The following TRAPPC9 variants were observed in gnomAD, a reference collection of about 807,000 sequenced individuals.
The protein encoded by TRAPPC9 is trafficking protein particle complex subunit 9.
A neutral mutation model predicts 124.0 loss-of-function variants in TRAPPC9; 83 were observed. That is an observed-to-expected ratio of 0.67 (90% CI 0.56 to 0.80). The LOEUF (loss-of-function observed/expected upper bound fraction) is 0.80, where lower values mean the gene tolerates loss of function less well. Among genes scored for constraint, TRAPPC9 ranks in the 30% least tolerant of loss-of-function variants. The pLI is 0.00. For missense variants in TRAPPC9, 1,302 were observed against 1,508.3 expected (o/e 0.86, Z 2.27); for synonymous variants, 638 against 617.5 (o/e 1.03, Z -0.49).
At chr8:139,925,226 C>T (rs183708528) in intron 19 of TRAPPC9, among the ~76,000 whole-genome samples, 35 of 152,324 alleles carry the variant, frequency 2.3e-4, no homozygotes, top group Non-Finnish European at 4.6e-4. Context: ...GAAAAAAATG[C>T]CCTGTTACAG....
intron 17 of TRAPPC9, among the ~76,000 whole-genome samples, chr8:140,126,836 C>T (rs1376732835): frequency 5.9e-5 from 9 of 152,302 alleles, no homozygotes; most frequent in African/African-American, 2.2e-4. Flanking sequence ...AGTGGACTCA[C>T]GGGCGCTGTG....
chr8:140,341,329 C>T (rs1231255669), intron 9 of TRAPPC9, among the ~76,000 whole-genome samples: 2 of 152,264 alleles, frequency 1.3e-5, no homozygotes, highest in Middle Eastern at 6.8e-3. Flanking sequence ...AGAGGTCACA[C>T]ACAGACCTTG....
chr8:140,236,096 T>G (rs576967804), intron 16 of TRAPPC9, among the ~76,000 whole-genome samples: 1 of 143,900 alleles, frequency 6.9e-6, no homozygotes, highest in African/African-American at 2.6e-5. Flanking sequence ...TTTTTTTTTT[T>G]TTTTGAGACA....
At chr8:140,054,033 T>TA (rs1470412575) in intron 17 of TRAPPC9, among the ~76,000 whole-genome samples, 7 of 152,218 alleles carry the variant, frequency 4.6e-5, no homozygotes, top group African/African-American at 1.7e-4. Flanking sequence ...AACATGGATG[T>TA]AGCTGGAGGC....
chr8:140,403,337 G>A (rs1329227554), intron 6 of TRAPPC9, among the ~76,000 whole-genome samples: 1 of 152,012 alleles, frequency 6.6e-6, no homozygotes, highest in Non-Finnish European at 1.5e-5. Flanking sequence ...GCTAAGACAG[G>A]AGAATCACTT....
intron 15 of TRAPPC9, among the ~76,000 whole-genome samples, chr8:140,254,011 C>T (rs1415746942): frequency 6.6e-6 from 1 of 152,136 alleles, no homozygotes; most frequent in African/African-American, 2.4e-5. Flanking sequence ...TCAGGCAACA[C>T]GGGAGGAAGG....
In TRAPPC9 at chr8:140,045,631, G is replaced by GAAAAA. The variant is rs57243402; in HGVS notation, c.2557-21557_2557-21553dup. Among the ~76,000 whole-genome samples, 146 of 33,240 alleles carry GAAAAA rather than the reference G, an allele frequency of 4.4e-3. 5 individuals carry two copies. The highest frequency in any genetic ancestry group is 0.012 in the African/African-American group (138 of 11,460). The allele number at this position is 33,240 out of a possible 152,430, so 21.8% of individuals were successfully genotyped here. On this transcript the variant is annotated intron_variant, in intron 17 of 22. Coordinates refer to ENST00000438773, the MANE Select transcript of TRAPPC9 (RefSeq NM_001160372.4). ...GACAGAGCAAGACTCCATCTCGGCA[G>GAAAAA]AAAAAAAAAAAAAAAAAAAAAAAAA...
In TRAPPC9 at chr8:140,252,620, C is replaced by T. The variant is rs555673433; in HGVS notation, c.2431+157G>A. ...TTACTTTCAGACACATACAGTAACA[C>T]ACTCTGTTAACAAAGTGCCCAGGAG... On this transcript the variant is annotated intron_variant, in intron 16 of 22. Coordinates refer to ENST00000438773, the MANE Select transcript of TRAPPC9 (RefSeq NM_001160372.4). This position sits in a 1 kb window ranked among gnomAD's most constrained non-coding sequence, Gnocchi z 4.2. 1.3e-5 allele frequency: 10 copies of T among 747,994 alleles called. No individual in the cohort carries two copies. The South Asian group carries it at 1.4e-4, about 10-fold the overall frequency. The allele number at this position is 747,994 out of a possible 1,614,324, so 46.3% of individuals were successfully genotyped here. A position where few individuals can be genotyped will look rare whatever the true frequency, so the allele number is the denominator to read the frequency against.
At position 140,092,191 on chromosome 8, in the gene TRAPPC9, CTTTAA is replaced by C. The variant is rs1046937473; in HGVS notation, c.2557-68117_2557-68113del. On this transcript the variant is annotated intron_variant, in intron 17 of 22. Transcript: ENST00000438773. ...ATCTATTCTTCAACATTTTTTTTTACTTTAATTTTTCTTTTTTTTTTTTTTTGAGA... is the reference window on the plus strand; with the variant it reads ...ATCTATTCTTCAACATTTTTTTTTACTTTTTCTTTTTTTTTTTTTTTGAGA... Among the ~76,000 whole-genome samples, 24 of 145,482 alleles carry C rather than the reference CTTTAA, an allele frequency of 1.6e-4. No individual in the cohort carries two copies. The East Asian group carries it at 3.4e-3, about 21-fold the overall frequency.
At chr8:140,370,513 T>G (rs1407811731) in intron 8 of TRAPPC9, among the ~76,000 whole-genome samples, 1 of 152,226 alleles carries the variant, frequency 6.6e-6, no homozygotes, top group Non-Finnish European at 1.5e-5. Flanking sequence ...TATTTGTTAT[T>G]AGATTGATAG....
intron 21 of TRAPPC9, among the ~76,000 whole-genome samples, chr8:139,884,979 A>G (rs1223865865): frequency 6.6e-6 from 1 of 152,174 alleles, no homozygotes; most frequent in Non-Finnish European, 1.5e-5. Flanking sequence ...TCCTCACACC[A>G]CTGGAATCAT....
At chr8:140,449,550 G>A (rs1171201374) in intron 2 of TRAPPC9, among the ~76,000 whole-genome samples, 3 of 152,260 alleles carry the variant, frequency 2.0e-5, no homozygotes, top group Non-Finnish European at 4.4e-5. Context: ...TAACAGGCAA[G>A]ATGGGAAGCT....
intron 21 of TRAPPC9, among the ~76,000 whole-genome samples, chr8:139,740,718 GGGC>G (rs574548948): frequency 2.8e-4 from 43 of 152,356 alleles, no homozygotes; most frequent in African/African-American, 1.0e-3. Context: ...AGGCCCACAC[GGGC>G]GGTGAGCTCA....
intron 5 of TRAPPC9, among the ~76,000 whole-genome samples, chr8:140,406,454 T>C (rs909504588): frequency 1.3e-5 from 2 of 152,200 alleles, no homozygotes; most frequent in Non-Finnish European, 2.9e-5. Context: ...GTTGGGAGGC[T>C]CAGGGATGAG....
At chr8:139,736,577 G>A (rs529666644) in intron 21 of TRAPPC9, among the ~76,000 whole-genome samples, 1 of 152,294 alleles carries the variant, frequency 6.6e-6, no homozygotes, top group South Asian at 2.1e-4. Flanking sequence ...GTTTTTGTCC[G>A]AGAGCATTAA....
intron 17 of TRAPPC9, among the ~76,000 whole-genome samples, chr8:140,114,882 G>C (rs1033736996): frequency 3.9e-5 from 6 of 152,294 alleles, no homozygotes; most frequent in South Asian, 4.1e-4. Context: ...TGAAAAAGAT[G>C]CAATATCCAC....
intron 17 of TRAPPC9, among the ~76,000 whole-genome samples, chr8:140,185,151 C>T (rs567310579): frequency 3.3e-5 from 5 of 152,274 alleles, no homozygotes; most frequent in South Asian, 2.1e-4. Flanking sequence ...CCACCATGTA[C>T]GCTGAGTACG....
chr8:140,103,484 AC>A (rs1226890615), intron 17 of TRAPPC9, among the ~76,000 whole-genome samples: 1 of 152,024 alleles, frequency 6.6e-6, no homozygotes, highest in African/African-American at 2.4e-5. Flanking sequence ...GCAGGAAGGG[AC>A]CCTACTGGCC....
chr8:140,115,533 C>G (rs1264717085), intron 17 of TRAPPC9, among the ~76,000 whole-genome samples: 2 of 152,194 alleles, frequency 1.3e-5, no homozygotes, highest in Non-Finnish European at 2.9e-5. Context: ...TCCCAAAGTG[C>G]TGGGATTACA....
Sources: gnomAD v4.1 joint callset for allele counts (sites outside exome capture counted in the v4.1 genomes callset) on GRCh38, gnomAD v4.1.1 for gene constraint, Gnocchi (gnomAD v3.1) non-coding constraint, MANE v1.5 for transcripts, NCBI Gene and HGNC (gene_info 2026-07-23, HGNC 2026-07-21) for gene names.